Variants in PRKAG2 observed in about 807,000 individuals in gnomAD.
PRKAG2 encodes the protein protein kinase AMP-activated non-catalytic subunit gamma 2, also known as 5'-AMP-activated protein kinase subunit gamma-2.
A neutral mutation model predicts 69.6 loss-of-function variants in PRKAG2; 26 were observed. That is an observed-to-expected ratio of 0.37 (90% CI 0.27 to 0.52). The LOEUF is 0.52. Ranked by LOEUF, PRKAG2 falls within the 20% of genes least tolerant of loss-of-function variation. The pLI, the probability that PRKAG2 is intolerant of heterozygous loss-of-function variation, is 0.90. For synonymous variants in PRKAG2, 293 were observed against 285.0 expected (o/e 1.03, Z -0.28); for missense variants, 557 against 740.0 (o/e 0.75, Z 2.87).
At chr7:151,872,457 A>C (rs1404742100) in intron 1 of PRKAG2, among the ~76,000 whole-genome samples, 1 of 152,222 alleles carries the variant, frequency 6.6e-6, no homozygotes, top group Non-Finnish European at 1.5e-5. Flanking sequence ...ACAGGAACTT[A>C]GGTTCAGGAG....
At position 151,875,232 on chromosome 7, in the gene PRKAG2, G is replaced by A. The variant is rs571475096; in HGVS notation, c.114+1275C>T. Among the ~76,000 whole-genome samples, 3 of 152,338 alleles carry A rather than the reference G, an allele frequency of 2.0e-5. No individual in the cohort carries two copies. In the South Asian group the frequency reaches 6.2e-4, roughly 32 times the overall value. On this transcript the variant is annotated intron_variant, in intron 1 of 15. Coordinates refer to ENST00000287878, the MANE Select transcript of PRKAG2 (RefSeq NM_016203.4). ...CAGAGCTTTCCAGCCAGGGAGGGCT[G>A]GCCCAGGGCCCCTGTGGGGCTACTT...
intron 3 of PRKAG2, among the ~76,000 whole-genome samples, chr7:151,764,491 C>T (rs949501985): frequency 6.8e-4 from 104 of 152,210 alleles, no homozygotes; most frequent in Non-Finnish European, 1.0e-3. Flanking sequence ...CTGCTACCCC[C>T]GCCCAGTACT....
intron 4 of PRKAG2, among the ~76,000 whole-genome samples, chr7:151,654,092 G>A (rs1405832484): frequency 6.6e-6 from 1 of 151,054 alleles, no homozygotes; most frequent in African/African-American, 2.4e-5. Flanking sequence ...TATAGATGCT[G>A]GGGTTTTCTT....
intron 13 of PRKAG2, 99 bp from the exon 14 acceptor site, chr7:151,564,323 A>G (rs1164821937): frequency 1.5e-6 from 2 of 1,332,012 alleles, no homozygotes; most frequent in African/African-American, 2.9e-5. Context: ...TAAAAACTTT[A>G]ATGCTTATCT....
At chr7:151,673,053 G>C (rs1832326859) in intron 4 of PRKAG2, among the ~76,000 whole-genome samples, 1 of 152,142 alleles carries the variant, frequency 6.6e-6, no homozygotes, top group Non-Finnish European at 1.5e-5. Context: ...TACACTCGCG[G>C]GGAGGAAGCT....
At chr7:151,625,937 G>A (rs929789579) in intron 5 of PRKAG2, among the ~76,000 whole-genome samples, 7 of 152,178 alleles carry the variant, frequency 4.6e-5, no homozygotes, top group Admixed American at 2.0e-4. Flanking sequence ...GAGGGGAATC[G>A]TATGGGATGT....
intron 3 of PRKAG2, among the ~76,000 whole-genome samples, chr7:151,727,513 C>T (rs534913768): frequency 2.2e-4 from 33 of 152,316 alleles, no homozygotes; most frequent in Non-Finnish European, 4.1e-4. Context: ...GAAACTGAGG[C>T]TGATCACCCT....
In PRKAG2 at chr7:151,814,560, C is replaced by A; in HGVS notation, c.115-28019G>T. ...AATCCTGCTGCCTCACTCGAAAGGT[C>A]CATCAGAGAAGGGGTTTCCCAGCCC... On this transcript the variant is annotated intron_variant, in intron 1 of 15. Transcript: ENST00000287878. This position sits in a 1 kb window ranked among gnomAD's most constrained non-coding sequence, Gnocchi z 4.8. The A allele has an allele frequency of 8.1e-7, 1 of 1,231,678 alleles. No individual in the cohort carries two copies. Among genetic ancestry groups the A allele is most frequent in the South Asian group, 4.1e-5 (1 of 24,244 alleles). The allele number at this position is 1,231,678 out of a possible 1,614,324, so 76.3% of individuals were successfully genotyped here. A position where few individuals can be genotyped will look rare whatever the true frequency, so the allele number is the denominator to read the frequency against.
intron 3 of PRKAG2, among the ~76,000 whole-genome samples, chr7:151,729,200 G>T (rs1479693897): frequency 6.6e-6 from 1 of 152,110 alleles, no homozygotes; most frequent in Non-Finnish European, 1.5e-5. Flanking sequence ...CAAATCCACG[G>T]CTGGGAGTGG....
intron 3 of PRKAG2, among the ~76,000 whole-genome samples, chr7:151,752,913 T>C (rs2074804038): frequency 6.6e-6 from 1 of 152,262 alleles, no homozygotes; most frequent in Non-Finnish European, 1.5e-5. Flanking sequence ...AACTTTATGG[T>C]GGCAGACGCC....
intron 4 of PRKAG2, among the ~76,000 whole-genome samples, chr7:151,635,259 C>T (rs868243858): frequency 2.6e-5 from 4 of 152,116 alleles, no homozygotes; most frequent in East Asian, 3.8e-4. Context: ...TCAGGAACCA[C>T]CACTCTTAAA....
chr7:151,792,298 C>T (rs529690382), intron 1 of PRKAG2, among the ~76,000 whole-genome samples: 86 of 152,272 alleles, frequency 5.6e-4, no homozygotes, highest in Non-Finnish European at 1.0e-3. Context: ...GCTGGTGTTG[C>T]AAGGAACAGG....
In PRKAG2 at chr7:151,857,129, GA is replaced by G. The variant is rs34768438; in HGVS notation, c.114+19377del. 8.4e-3 allele frequency among the ~76,000 whole-genome samples: 1,031 copies of G among 122,666 alleles called. 13 individuals carry two copies. The highest frequency in any genetic ancestry group is 0.023 in the African/African-American group (729 of 32,178). The allele number at this position is 122,666 out of a possible 152,430, so 80.5% of individuals were successfully genotyped here. A position where few individuals can be genotyped will look rare whatever the true frequency, so the allele number is the denominator to read the frequency against. ...ATTAGGCAAGGGCTGATCATTGCTG[GA>G]AAAAAAAAAAAAAAAAGCCCACAGG... On this transcript the variant is annotated intron_variant, in intron 1 of 15. Transcript: ENST00000287878.
chr7:151,678,166 C>A (rs1403862591), intron 3 of PRKAG2, among the ~76,000 whole-genome samples: 3 of 152,190 alleles, frequency 2.0e-5, no homozygotes, highest in African/African-American at 7.2e-5. Context: ...ACTCATAAAG[C>A]CTTTTCACTG....
Position 151,614,589 on chromosome 7 carries a change from G to A in PRKAG2, c.754+17480C>T, listed in dbSNP as rs970014984. Among the ~76,000 whole-genome samples, 5 of 151,898 alleles carry A rather than the reference G, an allele frequency of 3.3e-5. No individual in the cohort carries two copies. The highest frequency in any genetic ancestry group is 1.2e-4 in the African/African-American group (5 of 41,344). On this transcript the variant is annotated intron_variant, in intron 5 of 15. Coordinates refer to ENST00000287878, the MANE Select transcript of PRKAG2 (RefSeq NM_016203.4). The surrounding 1 kb of genome is among the most constrained non-coding windows in gnomAD (Gnocchi z 4.4). ...TCCGCCCCTCACCAGCTTGCTTCCC[G>A]CTCTCTCTCCCCATCTCCACTTGAC...
intron 1 of PRKAG2, among the ~76,000 whole-genome samples, chr7:151,797,017 A>G (rs2077577048): frequency 6.6e-6 from 1 of 152,150 alleles, no homozygotes; most frequent in Admixed American, 6.5e-5. Context: ...CTCCGTGGGC[A>G]CTACCGACTC....
At chr7:151,587,644 T>C (rs1484305343) in intron 6 of PRKAG2, among the ~76,000 whole-genome samples, 1 of 152,046 alleles carries the variant, frequency 6.6e-6, no homozygotes, top group Non-Finnish European at 1.5e-5. Context: ...TCATGATAAA[T>C]CATCATGCAA....
intron 1 of PRKAG2, among the ~76,000 whole-genome samples, chr7:151,834,295 C>T (rs571107314): frequency 6.6e-6 from 1 of 152,324 alleles, no homozygotes; most frequent in Admixed American, 6.5e-5. Flanking sequence ...ATGACCTGAG[C>T]CACAATTTTT....
At chr7:151,646,177 C>CT (rs1827529669) in intron 4 of PRKAG2, among the ~76,000 whole-genome samples, 1 of 152,120 alleles carries the variant, frequency 6.6e-6, no homozygotes, top group Non-Finnish European at 1.5e-5. Flanking sequence ...GCTGTGAGTC[C>CT]TTTAAGTTCC....
Sources: gnomAD v4.1 joint callset for allele counts (sites outside exome capture counted in the v4.1 genomes callset) on GRCh38, gnomAD v4.1.1 for gene constraint, Gnocchi (gnomAD v3.1) non-coding constraint, MANE v1.5 for transcripts, NCBI Gene and HGNC (gene_info 2026-07-23, HGNC 2026-07-21) for gene names.